FGF14: variants seen among roughly 807,000 people sequenced by gnomAD.
The protein encoded by FGF14 is fibroblast growth factor 14.
FGF14 carries 5 observed loss-of-function variants against 25.5 expected under a neutral mutation model. That is an observed-to-expected ratio of 0.20 (90% CI 0.10 to 0.41). The LOEUF (loss-of-function observed/expected upper bound fraction) is 0.41, where lower values mean the gene tolerates loss of function less well. FGF14 is among the 10% of genes least tolerant of loss of function. The probability of loss-of-function intolerance (pLI) is 1.00; values close to 1 mark genes in which losing one functional copy is unlikely to be tolerated. For synonymous variants in FGF14, 138 were observed against 118.3 expected, an observed-to-expected ratio of 1.17 and a Z score of -1.08; for missense variants, 222 against 320.1, an observed-to-expected ratio of 0.69 and a Z score of 2.34.
intron 1 of FGF14, among the ~76,000 whole-genome samples, chr13:102,371,311 C>T (rs1414199701): frequency 1.3e-5 from 2 of 152,192 alleles, no homozygotes; most frequent in East Asian, 3.8e-4. Context: ...ATGCCATCTT[C>T]TCACTGGTTC....
At chr13:102,108,020 A>G (rs889885923) in intron 1 of FGF14, among the ~76,000 whole-genome samples, 11 of 152,224 alleles carry the variant, frequency 7.2e-5, no homozygotes, top group African/African-American at 2.4e-4. Flanking sequence ...GCATTTCTTC[A>G]GGACATTTAT....
intron 3 of FGF14, among the ~76,000 whole-genome samples, chr13:101,793,059 T>C (rs990052112): frequency 6.6e-6 from 1 of 152,110 alleles, no homozygotes; most frequent in African/African-American, 2.4e-5. Flanking sequence ...GAGATGTACA[T>C]TACTCAGTTA....
intron 1 of FGF14, among the ~76,000 whole-genome samples, chr13:101,900,718 G>A (rs2031433426): frequency 6.6e-6 from 1 of 152,102 alleles, no homozygotes; most frequent in African/African-American, 2.4e-5. Context: ...TGGGGGCCGG[G>A]TAGTGCTCTA....
intron 1 of FGF14, among the ~76,000 whole-genome samples, chr13:102,206,995 C>T (rs1335598144): frequency 6.6e-6 from 1 of 151,966 alleles, no homozygotes; most frequent in Non-Finnish European, 1.5e-5. Context: ...AAGTTTTCCC[C>T]TCCTGGTCGG....
intron 1 of FGF14, among the ~76,000 whole-genome samples, chr13:102,315,051 G>A (rs2055953742): frequency 6.6e-6 from 1 of 150,876 alleles, no homozygotes; most frequent in Non-Finnish European, 1.5e-5. Context: ...ATACATATAT[G>A]CATATATACA....
At chr13:102,264,267 T>G (rs1178278542) in intron 1 of FGF14, among the ~76,000 whole-genome samples, 1 of 152,146 alleles carries the variant, frequency 6.6e-6, no homozygotes, top group Admixed American at 6.6e-5. Context: ...ATAGGGACAA[T>G]GCAGTGCTGA....
chr13:101,812,800 G>C (rs1035564603), intron 3 of FGF14, among the ~76,000 whole-genome samples: 2 of 150,300 alleles, frequency 1.3e-5, no homozygotes, highest in Non-Finnish European at 3.0e-5. Flanking sequence ...CTGAGTAGCT[G>C]GGATTACAGG....
chr13:102,362,805 T>A (rs1489824320), intron 1 of FGF14, among the ~76,000 whole-genome samples: 1 of 123,090 alleles, frequency 8.1e-6, no homozygotes, highest in African/African-American at 4.6e-5. Context: ...CATACAAGTA[T>A]AGAAAAAAAA....
At chr13:102,041,177 A>T (rs1195243012) in intron 1 of FGF14, among the ~76,000 whole-genome samples, 1 of 152,160 alleles carries the variant, frequency 6.6e-6, no homozygotes, top group African/African-American at 2.4e-5. Context: ...CATATTTTTT[A>T]AAAATTTAAT....
At chr13:102,131,384 A>G (rs2046188738) in intron 1 of FGF14, among the ~76,000 whole-genome samples, 1 of 152,166 alleles carries the variant, frequency 6.6e-6, no homozygotes, top group Non-Finnish European at 1.5e-5. Context: ...TTTATTTAAA[A>G]TTAGTGCAAA....
intron 1 of FGF14, among the ~76,000 whole-genome samples, chr13:102,135,085 A>ATAATACTAG (rs2046356731): frequency 2.6e-5 from 4 of 151,842 alleles, no homozygotes; most frequent in Non-Finnish European, 5.9e-5. Context: ...GTGTGCACCA[A>ATAATACTAG]TAATACTAGT....
chr13:102,046,621 C>A (rs183773557), intron 1 of FGF14, among the ~76,000 whole-genome samples: 139 of 152,194 alleles, frequency 9.1e-4, no homozygotes, highest in Non-Finnish European at 1.5e-3. Flanking sequence ...TCAAATGACA[C>A]AATTAACAAA....
chr13:102,017,406 C>A (rs1429577087), intron 1 of FGF14, among the ~76,000 whole-genome samples: 2 of 152,132 alleles, frequency 1.3e-5, no homozygotes. Context: ...GGATTAAAGC[C>A]TTTTTCCTGC....
intron 1 of FGF14, among the ~76,000 whole-genome samples, chr13:102,211,436 T>A (rs1485122529): frequency 1.3e-5 from 2 of 152,086 alleles, no homozygotes; most frequent in African/African-American, 4.8e-5. Context: ...GTTCATATGA[T>A]CACTTTACTA....
At chr13:101,997,197 T>A (rs1346729094) in intron 1 of FGF14, among the ~76,000 whole-genome samples, 3 of 151,054 alleles carry the variant, frequency 2.0e-5, no homozygotes, top group Non-Finnish European at 4.4e-5. Context: ...AAACAAAATG[T>A]TCCATGACAG....
At chr13:102,087,505 T>A (rs1253741986) in intron 1 of FGF14, among the ~76,000 whole-genome samples, 2 of 142,804 alleles carry the variant, frequency 1.4e-5, no homozygotes, top group Non-Finnish European at 3.0e-5. Context: ...TCTGCCTCTC[T>A]GGTTCCCGTC....
intron 1 of FGF14, among the ~76,000 whole-genome samples, chr13:101,927,727 C>A (rs2034462954): frequency 6.6e-6 from 1 of 152,096 alleles, no homozygotes. Context: ...TGCACAGGCT[C>A]CCAGCTTCCC....
intron 1 of FGF14, among the ~76,000 whole-genome samples, chr13:102,109,610 G>GT (rs1191056842): frequency 6.6e-6 from 1 of 151,808 alleles, no homozygotes; most frequent in Non-Finnish European, 1.5e-5. Context: ...TGCTTGATAA[G>GT]TTTTTTGTTT....
At chr13:101,940,650 C>G (rs2035389464) in intron 1 of FGF14, among the ~76,000 whole-genome samples, 1 of 152,206 alleles carries the variant, frequency 6.6e-6, no homozygotes, top group Admixed American at 6.5e-5. Flanking sequence ...CAGTAACCAC[C>G]TGCACTCTTT....
Sources: gnomAD v4.1 joint callset for allele counts (sites outside exome capture counted in the v4.1 genomes callset) on GRCh38, gnomAD v4.1.1 for gene constraint, MANE v1.5 for transcripts, NCBI Gene and HGNC (gene_info 2026-07-23, HGNC 2026-07-21) for gene names.